The following BLTP1 variants were observed in gnomAD, a reference collection of about 807,000 sequenced individuals.
The protein encoded by BLTP1 is fragile site-associated protein.
chr4:122,210,370 G>GT, the BLTP1 span, among the ~76,000 whole-genome samples: 1 of 152,114 alleles, frequency 6.6e-6, no homozygotes, highest in Non-Finnish European at 1.5e-5. Context: ...ATGATTTATA[G>GT]TTTCCTGAAG....
At chr4:122,259,408 T>C in the BLTP1 span, among the ~76,000 whole-genome samples, 1 of 152,160 alleles carries the variant, frequency 6.6e-6, no homozygotes, top group South Asian at 2.1e-4. Context: ...CTGAAGAGGG[T>C]TGTGAGAAAT....
the BLTP1 span, chr4:122,289,581 G>A: frequency 2.0e-6 from 2 of 985,180 alleles, no homozygotes; most frequent in Non-Finnish European, 2.4e-6. Flanking sequence ...ATTGTCTGTG[G>A]AAACCCTCAT....
the BLTP1 span, chr4:122,254,743 G>C: frequency 2.1e-6 from 3 of 1,425,402 alleles, no homozygotes; most frequent in African/African-American, 4.3e-5. Flanking sequence ...GTAGGTATGG[G>C]AGATTGTTTG....
chr4:122,221,913 A>G, the BLTP1 span: 31 of 984,184 alleles, frequency 3.1e-5, no homozygotes, highest in African/African-American at 4.5e-4. Context: ...GCACTTTTAA[A>G]AGGCTTTTCC....
At chr4:122,298,812 G>T in the BLTP1 span, 5 of 956,020 alleles carry the variant, frequency 5.2e-6, no homozygotes, top group Non-Finnish European at 6.2e-6. Context: ...CGCCTTTCAA[G>T]AGAGGGACAG....
At chr4:122,254,988 A>G in the BLTP1 span, 3 of 1,544,396 alleles carry the variant, frequency 1.9e-6, no homozygotes, top group African/African-American at 4.1e-5. Flanking sequence ...GTATTATACA[A>G]ACTTTAGTAT....
At chr4:122,219,915 T>A in the BLTP1 span, among the ~76,000 whole-genome samples, 1 of 152,234 alleles carries the variant, frequency 6.6e-6, no homozygotes, top group South Asian at 2.1e-4. Context: ...CCAGACCAGT[T>A]TGGGGCCTTA....
chr4:122,202,533 C>T, the BLTP1 span: 1 of 967,676 alleles, frequency 1.0e-6, no homozygotes, highest in Non-Finnish European at 1.2e-6. Context: ...GAATCTGTTA[C>T]ATTACTTACC....
chr4:122,239,937 AAG>A, the BLTP1 span: 1 of 1,614,088 alleles, frequency 6.2e-7, no homozygotes, highest in Non-Finnish European at 8.5e-7. Flanking sequence ...TAGAAAAAAG[AAG>A]AAAAAGCAAA....
At chr4:122,219,270 T>G in the BLTP1 span, 7 of 1,557,854 alleles carry the variant, frequency 4.5e-6, no homozygotes, top group Non-Finnish European at 6.1e-6. Context: ...TTTACAAATT[T>G]AGGCTCATAG....
the BLTP1 span, among the ~76,000 whole-genome samples, chr4:122,288,025 A>T: frequency 2.6e-5 from 4 of 152,150 alleles, no homozygotes; most frequent in African/African-American, 9.7e-5. Flanking sequence ...AAATTTAGTA[A>T]AAAATGTATT....
the BLTP1 span, among the ~76,000 whole-genome samples, chr4:122,212,215 GA>G: frequency 6.6e-6 from 1 of 152,130 alleles, no homozygotes; most frequent in African/African-American, 2.4e-5. Flanking sequence ...TTGTATTTAT[GA>G]AAAACTACCA....
the BLTP1 span, chr4:122,210,999 A>T: frequency 1.2e-6 from 2 of 1,612,510 alleles, no homozygotes; most frequent in Non-Finnish European, 1.7e-6. Flanking sequence ...ATCCCTCAGA[A>T]CTTCCACCTG....
chr4:122,197,058 A>C, the BLTP1 span: 1 of 580,114 alleles, frequency 1.7e-6, no homozygotes, highest in Non-Finnish European at 2.8e-6. Context: ...TTTTGGTAAA[A>C]ATTTGAACTT....
At chr4:122,223,158 C>T in the BLTP1 span, 1 of 972,426 alleles carries the variant, frequency 1.0e-6, no homozygotes, top group Non-Finnish European at 1.2e-6. Context: ...AAAATTGGAT[C>T]AGAAGAGCTT....
chr4:122,241,478 T>A, the BLTP1 span, among the ~76,000 whole-genome samples: 1 of 152,192 alleles, frequency 6.6e-6, no homozygotes, highest in Non-Finnish European at 1.5e-5. Flanking sequence ...TGAATTGTCA[T>A]TAAGCAAGAG....
the BLTP1 span, among the ~76,000 whole-genome samples, chr4:122,326,713 T>G: frequency 6.6e-6 from 1 of 151,584 alleles, no homozygotes; most frequent in African/African-American, 2.4e-5. Flanking sequence ...AAATGGTATA[T>G]AAAAAATCAT....
At chr4:122,343,798 T>A in the BLTP1 span, 1 of 447,344 alleles carries the variant, frequency 2.2e-6, no homozygotes, top group Non-Finnish European at 3.0e-6. Flanking sequence ...GTGAATTAAT[T>A]ATACAAGAAT....
chr4:122,243,237 A>G, the BLTP1 span, among the ~76,000 whole-genome samples: 4 of 152,214 alleles, frequency 2.6e-5, no homozygotes, highest in African/African-American at 4.8e-5. Flanking sequence ...ATTTATAAGT[A>G]GTCAGTAGCA....
Sources: allele counts gnomAD v4.1 joint callset (sites outside exome capture counted in the v4.1 genomes callset), GRCh38; gene constraint gnomAD v4.1.1; transcripts MANE v1.5; gene names NCBI Gene and HGNC (gene_info 2026-07-23, HGNC 2026-07-21).